CHLSN: variants seen among roughly 807,000 people sequenced by gnomAD.
CHLSN encodes protein cholesin.
chr7:1,091,672 T>A, the CHLSN span: 1 of 1,253,030 alleles, frequency 8.0e-7, no homozygotes, highest in Non-Finnish European at 1.1e-6. Context: ...ATTCACCATT[T>A]AAAACAGAGC....
chr7:1,036,439 G>T, the CHLSN span, among the ~76,000 whole-genome samples: 1 of 125,764 alleles, frequency 8.0e-6, no homozygotes, highest in East Asian at 2.0e-4. Context: ...GCCGTGTAGG[G>T]TTCGGGTGCT....
chr7:1,023,237 C>T, the CHLSN span, among the ~76,000 whole-genome samples: 6 of 152,300 alleles, frequency 3.9e-5, no homozygotes, highest in South Asian at 4.1e-4. This position sits in a 1 kb window ranked among gnomAD's most constrained non-coding sequence, Gnocchi z 5.0. Flanking sequence ...CCTGCAGCCG[C>T]GACACGGGCT....
the CHLSN span, among the ~76,000 whole-genome samples, chr7:1,123,236 G>A: frequency 8.5e-5 from 13 of 152,248 alleles, no homozygotes; most frequent in African/African-American, 2.9e-4. The surrounding 1 kb of genome is among the most constrained non-coding windows in gnomAD (Gnocchi z 4.4). Flanking sequence ...GAACGCTGAA[G>A]GAACACTCCC....
the CHLSN span, among the ~76,000 whole-genome samples, chr7:1,134,535 C>T: frequency 6.6e-6 from 1 of 151,678 alleles, no homozygotes; most frequent in East Asian, 1.9e-4. Flanking sequence ...CGCCACTGCA[C>T]TCCAGCATGG....
the CHLSN span, among the ~76,000 whole-genome samples, chr7:1,068,513 G>C: frequency 6.6e-6 from 1 of 152,138 alleles, no homozygotes; most frequent in Non-Finnish European, 1.5e-5. Context: ...TCAGTTCTCA[G>C]TGAAGGAAAT....
chr7:1,096,880 A>C, the CHLSN span, among the ~76,000 whole-genome samples: 1 of 152,116 alleles, frequency 6.6e-6, no homozygotes, highest in South Asian at 2.1e-4. This position sits in a 1 kb window ranked among gnomAD's most constrained non-coding sequence, Gnocchi z 4.6. Flanking sequence ...CTTGGGGGGC[A>C]GGGTGGGGGA....
chr7:1,045,136 G>T, the CHLSN span, among the ~76,000 whole-genome samples: 3 of 152,214 alleles, frequency 2.0e-5, no homozygotes, highest in African/African-American at 7.2e-5. Context: ...AGCTTCACTG[G>T]AAGGCAGTGC....
chr7:1,041,214 C>CGGGACCTGGGCTCCGCGCTGCGGGGAAG, the CHLSN span, among the ~76,000 whole-genome samples: 26 of 107,384 alleles, frequency 2.4e-4, no homozygotes, highest in Non-Finnish European at 2.8e-4. Flanking sequence ...CTGCAGGGAA[C>CGGGACCTGGGCTCCGCGCTGCGGGGAAG]GGGACCTGGG....
At chr7:1,026,324 C>G in the CHLSN span, 2 of 152,264 alleles carry the variant, frequency 1.3e-5, no homozygotes, top group Non-Finnish European at 2.9e-5. Context: ...AGCCAGCGCT[C>G]CAGCTGCTGG....
the CHLSN span, among the ~76,000 whole-genome samples, chr7:1,096,411 T>C: frequency 6.6e-6 from 1 of 152,186 alleles, no homozygotes; most frequent in Non-Finnish European, 1.5e-5. The surrounding 1 kb of genome is among the most constrained non-coding windows in gnomAD (Gnocchi z 4.6). Flanking sequence ...CCTTGGACCC[T>C]GGGCCCTGGA....
chr7:1,011,073 G>A, the CHLSN span, among the ~76,000 whole-genome samples: 332 of 91,148 alleles, frequency 3.6e-3, 3 homozygotes, highest in African/African-American at 0.014. Flanking sequence ...CCACCCCCCC[G>A]ACACAGACAC....
At chr7:978,004 T>G in the CHLSN span, among the ~76,000 whole-genome samples, 1 of 152,310 alleles carries the variant, frequency 6.6e-6, no homozygotes, top group Admixed American at 6.5e-5. Flanking sequence ...AAAGAAGCGC[T>G]CACTCACTTG....
chr7:1,059,787 G>A, the CHLSN span, among the ~76,000 whole-genome samples: 127 of 45,060 alleles, frequency 2.8e-3, 1 homozygote, highest in Non-Finnish European at 3.7e-3. Flanking sequence ...TAATGAGGCG[G>A]GTCTTAGGCA....
the CHLSN span, chr7:1,058,586 C>T: frequency 4.5e-6 from 3 of 669,630 alleles, no homozygotes; most frequent in South Asian, 5.2e-5. Flanking sequence ...TGGACGCTCC[C>T]CACATCCTTC....
At chr7:1,092,356 G>C in the CHLSN span, 1 of 1,611,054 alleles carries the variant, frequency 6.2e-7, no homozygotes, top group African/African-American at 1.3e-5. Flanking sequence ...CTGTTTCGCG[G>C]ATGTCCGGGA....
chr7:991,839 T>G, the CHLSN span, among the ~76,000 whole-genome samples: 2 of 152,256 alleles, frequency 1.3e-5, no homozygotes, highest in African/African-American at 4.8e-5. Flanking sequence ...CCTGCTTGCG[T>G]TAAACACCCA....
chr7:1,136,391 T>TATATATAAATATATATAAATATATAC, the CHLSN span, among the ~76,000 whole-genome samples: 1 of 28,762 alleles, frequency 3.5e-5, no homozygotes, highest in African/African-American at 3.0e-4. Flanking sequence ...TATATAAACA[T>TATATATAAATATATATAAATATATAC]ATATATAAAT....
chr7:1,070,656 C>A, the CHLSN span, among the ~76,000 whole-genome samples: 1 of 150,920 alleles, frequency 6.6e-6, no homozygotes, highest in Non-Finnish European at 1.5e-5. Flanking sequence ...CATGCACACA[C>A]ATGCACGCAC....
the CHLSN span, among the ~76,000 whole-genome samples, chr7:1,023,480 G>A: frequency 4.2e-4 from 64 of 151,846 alleles, no homozygotes; most frequent in Non-Finnish European, 1.2e-4. This position sits in a 1 kb window ranked among gnomAD's most constrained non-coding sequence, Gnocchi z 5.0. Context: ...CTGGGAACCT[G>A]GGACCCCTTG....
Sources: allele counts gnomAD v4.1 joint callset (sites outside exome capture counted in the v4.1 genomes callset), GRCh38; gene constraint gnomAD v4.1.1; non-coding constraint Gnocchi (gnomAD v3.1); transcripts MANE v1.5; gene names NCBI Gene and HGNC (gene_info 2026-07-23, HGNC 2026-07-21).